The following WWOX variants were observed in gnomAD, a reference collection of about 807,000 sequenced individuals.
The protein encoded by WWOX is WW domain containing oxidoreductase.
WWOX carries 69 observed loss-of-function variants against 46.2 expected under a neutral mutation model. That is an observed-to-expected ratio of 1.49 (90% CI 1.23 to 1.82). The LOEUF (loss-of-function observed/expected upper bound fraction) is 1.82. Among genes scored for constraint, WWOX ranks in the 40% most tolerant of loss-of-function variants. WWOX has a pLI of 0.00. For synonymous variants in WWOX, 359 were observed against 202.6 expected, an observed-to-expected ratio of 1.77 and a Z score of -6.56; for missense variants, 919 against 542.6, an observed-to-expected ratio of 1.69 and a Z score of -6.89.
intron 8 of WWOX, among the ~76,000 whole-genome samples, chr16:78,795,116 T>C (rs1567564840): frequency 6.6e-6 from 1 of 151,890 alleles, no homozygotes; most frequent in Non-Finnish European, 1.5e-5. Flanking sequence ...GTGGAGGAGG[T>C]GATGGTGATG....
chr16:78,832,874 T>C (rs1429110425), intron 8 of WWOX, among the ~76,000 whole-genome samples: 1 of 152,158 alleles, frequency 6.6e-6, no homozygotes, highest in East Asian at 1.9e-4. Flanking sequence ...CACCAGTGAC[T>C]TTTGAGCTCA....
At chr16:78,803,385 G>A (rs60900272) in intron 8 of WWOX, among the ~76,000 whole-genome samples, 2 of 152,122 alleles carry the variant, frequency 1.3e-5, no homozygotes, top group Admixed American at 1.3e-4. Context: ...AGCTCATGCA[G>A]AATTCTGTTT....
intron 8 of WWOX, among the ~76,000 whole-genome samples, chr16:78,865,119 T>G (rs946027674): frequency 1.5e-4 from 23 of 152,156 alleles, no homozygotes; most frequent in African/African-American, 5.3e-4. Flanking sequence ...CTTATTAACA[T>G]ATTACATATG....
chr16:78,857,598 G>A (rs2052596551), intron 8 of WWOX, among the ~76,000 whole-genome samples: 1 of 152,078 alleles, frequency 6.6e-6, no homozygotes, highest in South Asian at 2.1e-4. Context: ...TAAACCAAAT[G>A]TTATTTTCCT....
intron 8 of WWOX, among the ~76,000 whole-genome samples, chr16:78,530,825 C>G (rs770444064): frequency 2.6e-5 from 4 of 152,110 alleles, no homozygotes; most frequent in Admixed American, 2.6e-4. Context: ...AGATAGTGCT[C>G]ATAATAATTT....
intron 5 of WWOX, among the ~76,000 whole-genome samples, chr16:78,384,349 G>A (rs1424858904): frequency 6.6e-6 from 1 of 152,174 alleles, no homozygotes; most frequent in African/African-American, 2.4e-5. Context: ...AGGTCACTTT[G>A]TTTGCTGACT....
At chr16:78,839,350 A>C (rs2052076080) in intron 8 of WWOX, among the ~76,000 whole-genome samples, 2 of 152,100 alleles carry the variant, frequency 1.3e-5, no homozygotes, top group African/African-American at 4.8e-5. Context: ...GCTTGGTAAT[A>C]TCCAACCTTT....
intron 8 of WWOX, among the ~76,000 whole-genome samples, chr16:78,984,432 CT>C (rs2046745096): frequency 6.6e-6 from 1 of 152,214 alleles, no homozygotes; most frequent in South Asian, 2.1e-4. Flanking sequence ...TTACCCAACT[CT>C]GCTGTTGTAG....
Position 78,452,910 on chromosome 16 carries a change from T to G in WWOX, c.1056+20158T>G, listed in dbSNP as rs979103814. 4.7e-5 allele frequency among the ~76,000 whole-genome samples: 7 copies of G among 148,882 alleles called. No individual in the cohort carries two copies. The East Asian group carries it at 1.0e-3, about 22-fold the overall frequency. On this transcript the variant is annotated intron_variant, in intron 8 of 8. Transcript: ENST00000566780. ...ATTTTTGAGAGGGAATCTTACTCTG[T>G]TGCCCAGGCTAAAGTACCATGTCAA...
At chr16:79,018,968 T>A (rs1020462162) in intron 8 of WWOX, among the ~76,000 whole-genome samples, 3 of 151,564 alleles carry the variant, frequency 2.0e-5, no homozygotes, top group African/African-American at 7.3e-5. Context: ...CTGGGCAACA[T>A]GGCAAAACCC....
intron 8 of WWOX, among the ~76,000 whole-genome samples, chr16:78,925,451 T>TA (rs752998608): frequency 3.3e-5 from 5 of 152,184 alleles, no homozygotes; most frequent in African/African-American, 7.2e-5. Flanking sequence ...TCCTTGGTGT[T>TA]AAAAAATGCC....
chr16:78,709,423 C>A (rs895149979), intron 8 of WWOX, among the ~76,000 whole-genome samples: 1 of 151,960 alleles, frequency 6.6e-6, no homozygotes, highest in Non-Finnish European at 1.5e-5. Context: ...CAGCCTGTTG[C>A]AAGTAATCGG....
chr16:78,570,533 CAT>C (rs1172610732), intron 8 of WWOX, among the ~76,000 whole-genome samples: 1 of 151,960 alleles, frequency 6.6e-6, no homozygotes, highest in Non-Finnish European at 1.5e-5. Context: ...AGGCTGGTCT[CAT>C]ATGCCTGGAC....
chr16:79,200,502 G>A (rs896510853), intron 8 of WWOX, among the ~76,000 whole-genome samples: 1 of 152,134 alleles, frequency 6.6e-6, no homozygotes, highest in African/African-American at 2.4e-5. Flanking sequence ...ACCTCCTTTA[G>A]CCTCTGTCTC....
intron 8 of WWOX, among the ~76,000 whole-genome samples, chr16:78,481,804 G>T (rs771703419): frequency 2.6e-5 from 4 of 151,046 alleles, no homozygotes; most frequent in Non-Finnish European, 4.4e-5. Context: ...GATAAGAGCT[G>T]TGTTTGTGAA....
chr16:78,849,648 G>A (rs368635390), intron 8 of WWOX, among the ~76,000 whole-genome samples: 7 of 150,856 alleles, frequency 4.6e-5, no homozygotes, highest in South Asian at 2.1e-4. Context: ...CTTTGATTTC[G>A]TTTCTGTATT....
chr16:78,670,595 A>G (rs541883730), intron 8 of WWOX, among the ~76,000 whole-genome samples: 1 of 152,224 alleles, frequency 6.6e-6, no homozygotes, highest in East Asian at 1.9e-4. Context: ...TACTAGATGA[A>G]TAATGTCCCC....
At chr16:78,400,629 G>C (rs2082390672) in intron 6 of WWOX, among the ~76,000 whole-genome samples, 1 of 152,150 alleles carries the variant, frequency 6.6e-6, no homozygotes, top group Non-Finnish European at 1.5e-5. Flanking sequence ...TAAGGAGGGA[G>C]GGAGGGAGGA....
intron 5 of WWOX, among the ~76,000 whole-genome samples, chr16:78,219,252 A>C (rs1334283774): frequency 6.6e-6 from 1 of 152,168 alleles, no homozygotes; most frequent in African/African-American, 2.4e-5. Context: ...AGATTACTCC[A>C]AGGAAGTTAG....
Sources: allele counts gnomAD v4.1 joint callset (sites outside exome capture counted in the v4.1 genomes callset), GRCh38; gene constraint gnomAD v4.1.1; transcripts MANE v1.5; gene names NCBI Gene and HGNC (gene_info 2026-07-23, HGNC 2026-07-21).